OPCML: variants seen among roughly 807,000 people sequenced by gnomAD.
OPCML encodes opioid binding protein/cell adhesion molecule like.
A neutral mutation model predicts 37.8 loss-of-function variants in OPCML; 13 were observed. The observed-to-expected ratio is 0.34, with a 90% confidence interval of 0.22 to 0.55. The LOEUF (loss-of-function observed/expected upper bound fraction) is 0.55. Among genes scored for constraint, OPCML ranks in the 20% least tolerant of loss-of-function variants. The probability of loss-of-function intolerance (pLI) is 0.91; values close to 1 mark genes in which losing one functional copy is unlikely to be tolerated. For missense variants in OPCML, 341 were observed against 435.6 expected (o/e 0.78, Z 1.93); for synonymous variants, 176 against 168.8 (o/e 1.04, Z -0.33).
At chr11:132,503,030 G>A (rs1367262953) in intron 4 of OPCML, among the ~76,000 whole-genome samples, 1 of 152,154 alleles carries the variant, frequency 6.6e-6, no homozygotes, top group Non-Finnish European at 1.5e-5. Context: ...AATGGTAGGT[G>A]ACTTATTCAA....
At chr11:133,210,180 C>T (rs1451790563) in intron 1 of OPCML, among the ~76,000 whole-genome samples, 2 of 152,318 alleles carry the variant, frequency 1.3e-5, no homozygotes, top group Middle Eastern at 3.4e-3. Flanking sequence ...AAATGAAGTC[C>T]ATTTCCAAGC....
intron 1 of OPCML, among the ~76,000 whole-genome samples, chr11:133,462,630 A>G (rs1276751887): frequency 6.6e-6 from 1 of 152,208 alleles, no homozygotes; most frequent in East Asian, 1.9e-4. Context: ...CCACAATAGG[A>G]TATCTCTTCA....
chr11:133,478,224 C>G lies in OPCML; in HGVS notation c.61+54040G>C, dbSNP rs1417286396. The stretch of plus-strand genomic sequence containing the variant: ...ATGGCAGGAGGATGAAAGGATCAGC[C>G]TCTGTTGTGGCCTCCTGCCTGCCTC... On this transcript the variant is annotated intron_variant, in intron 1 of 7. Transcript: ENST00000524381. Among the ~76,000 whole-genome samples, 9 of 152,284 alleles carry G rather than the reference C, an allele frequency of 5.9e-5. No homozygotes were observed. The South Asian group carries it at 1.5e-3, about 25-fold the overall frequency.
chr11:133,525,821 A>T (rs1419976975), intron 1 of OPCML, among the ~76,000 whole-genome samples: 1 of 152,200 alleles, frequency 6.6e-6, no homozygotes, highest in African/African-American at 2.4e-5. Flanking sequence ...ATTGTCACTT[A>T]TCGTTTCCCA....
At position 132,482,688 on chromosome 11, in the gene OPCML, G is replaced by A. The variant is rs190286648; in HGVS notation, c.506-45329C>T. On this transcript the variant is annotated intron_variant, in intron 4 of 7. Transcript: ENST00000524381. The stretch of plus-strand genomic sequence containing the variant: ...ATCCTCAATAAAATACTGGCACACC[G>A]AATCCAGCAGCACATCAAAAAGCTT... 5.3e-3 allele frequency among the ~76,000 whole-genome samples: 808 copies of A among 152,214 alleles called. 3 individuals are homozygous for A. The highest frequency in any genetic ancestry group is 0.018 in the African/African-American group (744 of 41,502).
At chr11:132,887,182 A>T (rs1943454928) in intron 2 of OPCML, among the ~76,000 whole-genome samples, 1 of 152,186 alleles carries the variant, frequency 6.6e-6, no homozygotes, top group African/African-American at 2.4e-5. Context: ...CTATGTTTAG[A>T]TACACAAATA....
At chr11:132,792,991 C>A (rs1938035141) in intron 2 of OPCML, among the ~76,000 whole-genome samples, 1 of 152,184 alleles carries the variant, frequency 6.6e-6, no homozygotes, top group Non-Finnish European at 1.5e-5. Flanking sequence ...ATGAGGCAGG[C>A]ACTGTGAATT....
chr11:132,567,751 A>G (rs554029936), intron 3 of OPCML, among the ~76,000 whole-genome samples: 1 of 152,338 alleles, frequency 6.6e-6, no homozygotes, highest in African/African-American at 2.4e-5. Context: ...ATTCTATCTG[A>G]TCTATCCTTT....
At chr11:133,483,828 G>GATAGATAGATAGATA in intron 1 of OPCML, among the ~76,000 whole-genome samples, 1 of 144,278 alleles carries the variant, frequency 6.9e-6, no homozygotes, top group African/African-American at 2.7e-5. Context: ...TAGATAGATA[G>GATAGATAGATAGATA]GATGGATACA....
chr11:133,097,139 A>AC (rs879590686), intron 1 of OPCML, among the ~76,000 whole-genome samples: 11 of 152,120 alleles, frequency 7.2e-5, no homozygotes, highest in Admixed American at 6.5e-4. Flanking sequence ...AAGACAGACC[A>AC]CATCCAGAAC....
chr11:132,546,336 T>C (rs1320587923), intron 3 of OPCML, among the ~76,000 whole-genome samples: 3 of 152,166 alleles, frequency 2.0e-5, no homozygotes. Context: ...TTTGGTTACA[T>C]GAATAAGTTC....
intron 2 of OPCML, among the ~76,000 whole-genome samples, chr11:132,809,299 G>C (rs1022192979): frequency 7.9e-5 from 12 of 152,176 alleles, no homozygotes; most frequent in Non-Finnish European, 1.8e-4. Context: ...TGGGAAGACA[G>C]AGGAGAGCAG....
At chr11:132,485,035 T>A (rs1277072728) in intron 4 of OPCML, among the ~76,000 whole-genome samples, 1 of 152,026 alleles carries the variant, frequency 6.6e-6, no homozygotes, top group Non-Finnish European at 1.5e-5. Flanking sequence ...AACCTGCACA[T>A]TGTGCACATG....
intron 3 of OPCML, among the ~76,000 whole-genome samples, chr11:132,538,733 C>A (rs2096347549): frequency 6.6e-6 from 1 of 152,094 alleles, no homozygotes; most frequent in African/African-American, 2.4e-5. Flanking sequence ...TGCTTAACTC[C>A]CCATTTCTCA....
chr11:133,193,393 A>G (rs1938403250), intron 1 of OPCML, among the ~76,000 whole-genome samples: 1 of 152,236 alleles, frequency 6.6e-6, no homozygotes, highest in Non-Finnish European at 1.5e-5. Context: ...GTATCAAGCC[A>G]AAGCTACTGA....
chr11:133,267,753 C>T (rs562359096), intron 1 of OPCML, among the ~76,000 whole-genome samples: 90 of 152,126 alleles, frequency 5.9e-4, no homozygotes, highest in Admixed American at 1.8e-3. Flanking sequence ...TGGGTCTTTC[C>T]CGTGCTGTTC....
At chr11:132,693,358 A>G (rs1227757119) in intron 2 of OPCML, among the ~76,000 whole-genome samples, 1 of 152,142 alleles carries the variant, frequency 6.6e-6, no homozygotes, top group Admixed American at 6.5e-5. Flanking sequence ...ATGAATGCCT[A>G]CCTTAGCCTG....
At chr11:133,233,269 A>G (rs927569626) in intron 1 of OPCML, among the ~76,000 whole-genome samples, 1 of 152,222 alleles carries the variant, frequency 6.6e-6, no homozygotes, top group Non-Finnish European at 1.5e-5. Context: ...GAGGATCAGA[A>G]CGTGCCATCC....
In OPCML at chr11:132,850,642, T is replaced by G. The variant is rs79875713; in HGVS notation, c.146+92284A>C. Among the ~76,000 whole-genome samples the G allele has an allele frequency of 8.2e-3, 1,247 of 152,282 alleles. 20 individuals are homozygous for G. Among genetic ancestry groups the G allele is most frequent in the African/African-American group, 0.029 (1,188 of 41,552 alleles). On this transcript the variant is annotated intron_variant, in intron 2 of 7. Transcript: ENST00000524381. ...AAACTACCCACAAAGTGAGAGGTTA[T>G]TTTTTGAGGAGTCAGAAAAGGCTTG...
Sources: gnomAD v4.1 joint callset for allele counts (sites outside exome capture counted in the v4.1 genomes callset) on GRCh38, gnomAD v4.1.1 for gene constraint, MANE v1.5 for transcripts, NCBI Gene and HGNC (gene_info 2026-07-23, HGNC 2026-07-21) for gene names.